Variants in COMMD5 observed in about 807,000 individuals in gnomAD.
COMMD5 encodes COMM domain containing 5.
A neutral mutation model predicts 6.9 loss-of-function variants in COMMD5; 10 were observed. The ratio of observed to expected loss-of-function variants is 1.44; its 90% CI spans 0.89 to 2.45. COMMD5 has a LOEUF of 2.45. Among genes scored for constraint, COMMD5 ranks in the 30% most tolerant of loss-of-function variants. The pLI is 0.00. For synonymous variants in COMMD5, 127 were observed against 125.3 expected, an observed-to-expected ratio of 1.01 and a Z score of -0.09; for missense variants, 234 against 287.8, an observed-to-expected ratio of 0.81 and a Z score of 1.35.
chr8:144,849,464 G>A (rs1425854417), downstream of COMMD5, among the ~76,000 whole-genome samples: 4 of 152,124 alleles, frequency 2.6e-5, no homozygotes, highest in Non-Finnish European at 4.4e-5. Flanking sequence ...CCAGGCTAGT[G>A]GAGGAGACAA....
chr8:144,848,498 C>CAAA (rs59849814), downstream of COMMD5, among the ~76,000 whole-genome samples: 52 of 139,424 alleles, frequency 3.7e-4, no homozygotes, highest in Admixed American at 2.7e-3. Flanking sequence ...ACTCCCGTCT[C>CAAA]AAAAAAAAAA....
At position 144,851,321 on chromosome 8, in the gene COMMD5, A is replaced by G; in HGVS notation, c.18T>C (p.Ala6=). The G allele has an allele frequency of 6.2e-7, 1 of 1,609,698 alleles. No individual in the cohort carries two copies. The highest frequency in any genetic ancestry group is 8.5e-7 in the Non-Finnish European group (1 of 1,176,838). The change falls in exon 2 of 2, where the codon GCT becomes GCC. Residue 6 remains alanine, a synonymous_variant. Transcript: ENST00000305103. ...CAGGATGATGCAGGTATGGAGTTGC[A>G]GCCCCCACAGCAGACATTGCTGCTG... MSAVG[A]ATPYLHHPGD... is the part of the protein sequence containing the mutation.
At chr8:144,853,454 G>A (rs1353927010), upstream of COMMD5, 1 of 152,222 alleles carries the variant, frequency 6.6e-6, no homozygotes, top group East Asian at 1.9e-4. Context: ...TCAGCGCGGA[G>A]CGGAGCCGAG....
intron 1 of COMMD5, among the ~76,000 whole-genome samples, chr8:144,851,890 C>CACTTTG (rs1372026850): frequency 2.0e-5 from 3 of 152,138 alleles, no homozygotes; most frequent in African/African-American, 4.8e-5. Context: ...GAAATCTCAG[C>CACTTTG]ACTTTGTGAA....
Position 144,850,754 on chromosome 8 carries a change from G to C in COMMD5, c.585C>G (p.Ala195=). 1 of 1,614,202 alleles carries C rather than the reference G, an allele frequency of 6.2e-7. No homozygotes were observed. The highest frequency in any genetic ancestry group is 8.5e-7 in the Non-Finnish European group (1 of 1,180,042). The change falls in exon 2 of 2, where the codon GCC becomes GCG. Residue 195 remains alanine (A), a synonymous_variant. Transcript: ENST00000305103. This position sits in a 1 kb window ranked among gnomAD's most constrained non-coding sequence, Gnocchi z 4.0. ...CGCTGTACCGCAGCTCCTGGAACTT[G>C]GCTGTGGGGACCTCAAAGCGGTATG... ...GSAYRFEVPT[A]KFQELRYSVA...
chr8:144,848,542 G>A (rs577669530), downstream of COMMD5, among the ~76,000 whole-genome samples: 1 of 152,060 alleles, frequency 6.6e-6, no homozygotes, highest in South Asian at 2.1e-4. Flanking sequence ...ATATACATTT[G>A]TTTACGTATT....
intron 1 of COMMD5, chr8:144,842,863 T>G: frequency 6.2e-7 from 1 of 1,614,010 alleles, no homozygotes; most frequent in Non-Finnish European, 8.5e-7. Context: ...GTGCAGTGAG[T>G]GTGGAAAAGC....
rs71320849 is a variant in COMMD5 at position 144,844,709 on chromosome 8, CA to C, written c.*117-2967del. On this transcript the variant is annotated intron_variant and NMD_transcript_variant, in intron 1 of 1. Transcript: ENST00000530332. ...GGGTGACAAGAGTGTGACTCTGTAT[CA>C]AAAAAAAAAAAAAAAAAAAAAAAAA... 5.3e-3 allele frequency among the ~76,000 whole-genome samples: 468 copies of C among 88,458 alleles called. 3 individuals carry two copies. The highest frequency in any genetic ancestry group is 0.027 in the East Asian group (76 of 2,764). 58.0% of individuals were successfully genotyped at this position (88,458 alleles called of 152,430 possible).
chr8:144,842,526 G>A, intron 1 of COMMD5: 4 of 1,614,120 alleles, frequency 2.5e-6, no homozygotes, highest in Non-Finnish European at 3.4e-6. Context: ...AATGTGATGA[G>A]TGTGGCAAAG....
At chr8:144,839,552 A>G (rs977020788), downstream of COMMD5, among the ~76,000 whole-genome samples, 1 of 152,268 alleles carries the variant, frequency 6.6e-6, no homozygotes, top group African/African-American at 2.4e-5. Flanking sequence ...GTGGGTTTAT[A>G]TGTAGCAGGT....
chr8:144,850,946 A>G lies in COMMD5; in HGVS notation c.393T>C (p.Phe131=). 2 of 1,608,832 alleles carry G rather than the reference A, an allele frequency of 1.2e-6. No homozygotes were observed. ...AATCAAGGAGGGGCCGCTGGCTCCCAAATACCACGCTGGCCAAGTCCCCGA... is the reference window on the plus strand; with the variant it reads ...AATCAAGGAGGGGCCGCTGGCTCCCGAATACCACGCTGGCCAAGTCCCCGA... The part of the protein sequence containing the change: ...DLVGDLASVV[F]GSQRPLLDSV... Residue 131 remains phenylalanine (F), a synonymous_variant, in exon 2 of 2, where the codon TTT becomes TTC. Transcript: ENST00000305103. This position sits in a 1 kb window ranked among gnomAD's most constrained non-coding sequence, Gnocchi z 4.0.
intron 1 of COMMD5, among the ~76,000 whole-genome samples, chr8:144,844,733 A>T (rs796201981): frequency 2.3e-5 from 3 of 132,432 alleles, no homozygotes; most frequent in Non-Finnish European, 3.2e-5. Flanking sequence ...AAAAAAAAAA[A>T]AAACGAAAAT....
At chr8:144,841,605 C>T (rs199931058) in exon 2 of COMMD5, 632 of 1,614,036 alleles carry the variant, frequency 3.9e-4, no homozygotes, top group Non-Finnish European at 4.9e-4. Flanking sequence ...TCACCAAGGA[C>T]GCACCCCAGG....
At chr8:144,847,952 C>G (rs527745868), downstream of COMMD5, among the ~76,000 whole-genome samples, 3 of 152,186 alleles carry the variant, frequency 2.0e-5, no homozygotes, top group Non-Finnish European at 4.4e-5. Context: ...GACAGGTGCT[C>G]TGTACTGGAG....
At chr8:144,840,222 G>C (rs1445825622), downstream of COMMD5, among the ~76,000 whole-genome samples, 1 of 152,234 alleles carries the variant, frequency 6.6e-6, no homozygotes, top group Non-Finnish European at 1.5e-5. Flanking sequence ...TGAGGACCAG[G>C]CCTGGAGATG....
At chr8:144,840,894 T>C (rs1829807451), downstream of COMMD5, 1 of 156,782 alleles carries the variant, frequency 6.4e-6, no homozygotes, top group African/African-American at 2.4e-5. Flanking sequence ...GTAAGTCCCT[T>C]GGCAGCTCTT....
chr8:144,849,728 G>A (rs1213296856), downstream of COMMD5, among the ~76,000 whole-genome samples: 1 of 152,112 alleles, frequency 6.6e-6, no homozygotes, highest in Non-Finnish European at 1.5e-5. Flanking sequence ...AGGCACCCGG[G>A]AGAGGTCCCT....
chr8:144,851,405 G>A lies in COMMD5; in HGVS notation c.-57-10C>T. 1.3e-6 allele frequency: 2 copies of A among 1,528,304 alleles called. No homozygotes were observed. The highest frequency in any genetic ancestry group is 2.3e-5 in the East Asian group (1 of 44,118). 94.7% of individuals were successfully genotyped at this position (1,528,304 alleles called of 1,614,324 possible). Reference sequence around the variant, plus strand: ...TCCCAGATGCAGATGCCTAGAGTGGGGTGGAGGAGAGAAGACCAGTGACTC... The same window carrying A: ...TCCCAGATGCAGATGCCTAGAGTGGAGTGGAGGAGAGAAGACCAGTGACTC... On this transcript the variant is annotated splice_polypyrimidine_tract_variant and intron_variant, in intron 1 of 1. Transcript: ENST00000305103.
chr8:144,851,825 C>T (rs900586435), intron 1 of COMMD5, among the ~76,000 whole-genome samples: 1 of 152,184 alleles, frequency 6.6e-6, no homozygotes, highest in Non-Finnish European at 1.5e-5. Flanking sequence ...AATTACCATT[C>T]TCACCTGACA....
Sources: allele counts gnomAD v4.1 joint callset (sites outside exome capture counted in the v4.1 genomes callset), GRCh38; gene constraint gnomAD v4.1.1; non-coding constraint Gnocchi (gnomAD v3.1); transcripts MANE v1.5; gene names NCBI Gene and HGNC (gene_info 2026-07-23, HGNC 2026-07-21).